ZNF638: variants seen among roughly 807,000 people sequenced by gnomAD.
The protein encoded by ZNF638 is zinc finger protein 638, also known as CTCL tumor antigen se33-1.
ZNF638 carries 46 observed loss-of-function variants against 195.6 expected under a neutral mutation model. That is an observed-to-expected ratio of 0.24 (90% CI 0.19 to 0.30). ZNF638 has a LOEUF of 0.30. ZNF638 is among the 10% of genes least tolerant of loss of function. The probability of loss-of-function intolerance (pLI) is 1.00; values close to 1 mark genes in which losing one functional copy is unlikely to be tolerated. For missense variants in ZNF638, 2,440 were observed against 2,325.3 expected (o/e 1.05, Z -1.01); for synonymous variants, 845 against 772.0 (o/e 1.09, Z -1.57).
chr2:71,362,617 T>C (rs1020515574), intron 3 of ZNF638, among the ~76,000 whole-genome samples: 7 of 152,204 alleles, frequency 4.6e-5, no homozygotes, highest in Non-Finnish European at 8.8e-5. Flanking sequence ...CCTCCAATCT[T>C]AGTTTACATA....
At chr2:71,354,848 A>G (rs1428287389) in intron 2 of ZNF638, among the ~76,000 whole-genome samples, 1 of 152,200 alleles carries the variant, frequency 6.6e-6, no homozygotes, top group East Asian at 1.9e-4. Flanking sequence ...TAAATTTTGA[A>G]AATAGATTTG....
chr2:71,366,941 C>T (rs1193152565), intron 6 of ZNF638, among the ~76,000 whole-genome samples: 2 of 152,058 alleles, frequency 1.3e-5, no homozygotes, highest in Non-Finnish European at 2.9e-5. Flanking sequence ...GGCCCAATAT[C>T]AAATATTTTG....
intron 25 of ZNF638, 94 bp from the exon 26 acceptor site, chr2:71,431,233 C>T: frequency 9.1e-7 from 1 of 1,099,200 alleles, no homozygotes. Context: ...GGGAGGTTTT[C>T]CCTGAGAAAG....
intron 1 of ZNF638, among the ~76,000 whole-genome samples, chr2:71,344,934 C>G (rs1285146610): frequency 6.6e-6 from 1 of 152,010 alleles, no homozygotes; most frequent in Non-Finnish European, 1.5e-5. Context: ...TGTAGCTAAC[C>G]TTTTTAATTA....
Position 71,423,519 on chromosome 2 carries a change from A to C in ZNF638, c.4005A>C (p.Glu1335Asp), listed in dbSNP as rs1401374944. 6.2e-7 allele frequency: 1 copy of C among 1,613,954 alleles called. No individual in the cohort carries two copies. The highest frequency in any genetic ancestry group is 8.5e-7 in the Non-Finnish European group (1 of 1,180,004). Residue 1335 changes from glutamate (E) to aspartate (D), a missense_variant, in exon 22 of 28, where the codon GAA (glutamate) becomes GAC (aspartate). Physicochemically the swap from Glu to Asp is conservative, Grantham distance 45 (BLOSUM62 2). This residue lies in a region of ZNF638 where 1,883 missense variants were observed against 1,739.1 expected (regional missense o/e 1.08). Coordinates refer to ENST00000264447, the MANE Select transcript of ZNF638 (RefSeq NM_014497.5). ...GAACAGAGAAGGCTGAAAAGAATGAAGGTAGGATGGATGCAGAAAAGGTGG... is the reference window on the plus strand; with the variant it reads ...GAACAGAGAAGGCTGAAAAGAATGACGGTAGGATGGATGCAGAAAAGGTGG... ...QIGTEKAEKN[E>D]GRMDAEKVEK...
intron 1 of ZNF638, among the ~76,000 whole-genome samples, chr2:71,345,933 C>G (rs1487652712): frequency 6.6e-6 from 1 of 152,186 alleles, no homozygotes; most frequent in Non-Finnish European, 1.5e-5. Context: ...CTCTAGTATT[C>G]TGGAGAATAC....
chr2:71,410,416 G>A (rs1573140540), intron 20 of ZNF638, among the ~76,000 whole-genome samples: 1 of 150,242 alleles, frequency 6.7e-6, no homozygotes, highest in African/African-American at 2.5e-5. Flanking sequence ...TCATTGTGTT[G>A]CCCAGGCTGG....
intron 8 of ZNF638, among the ~76,000 whole-genome samples, chr2:71,371,258 GT>G (rs1182972529): frequency 6.6e-6 from 1 of 152,136 alleles, no homozygotes; most frequent in African/African-American, 2.4e-5. Flanking sequence ...TGGACACTTA[GT>G]TTGCTTCCAG....
chr2:71,424,363 G>GT lies in ZNF638; in HGVS notation c.4525-284dup, dbSNP rs540267907. Among the ~76,000 whole-genome samples, 17 of 151,616 alleles carry GT rather than the reference G, an allele frequency of 1.1e-4. No individual in the cohort carries two copies. In the South Asian group the frequency reaches 3.3e-3, roughly 30 times the overall value. The stretch of plus-strand genomic sequence containing the variant: ...CCACTCTGCTTCTGAATGGGAAACT[G>GT]TTTCCTCTCTTAAATTGAAGCTTCC... On this transcript the variant is annotated intron_variant, in intron 22 of 27. Coordinates refer to ENST00000264447, the MANE Select transcript of ZNF638 (RefSeq NM_014497.5).
At chr2:71,360,693 G>T (rs1458969875) in intron 3 of ZNF638, among the ~76,000 whole-genome samples, 1 of 151,886 alleles carries the variant, frequency 6.6e-6, no homozygotes. Context: ...TGTTTCCTTA[G>T]CATTAAATTC....
At chr2:71,370,131 C>T (rs1558848586) in intron 8 of ZNF638, 126 bp downstream of exon 8, 1 of 1,027,838 alleles carries the variant, frequency 9.7e-7, no homozygotes, top group East Asian at 2.7e-5. Context: ...ATTATATGTG[C>T]ATTAATTCAA....
At chr2:71,422,673 C>T in intron 21 of ZNF638, 141 bp from the exon 22 acceptor site, 1 of 790,162 alleles carries the variant, frequency 1.3e-6, no homozygotes, top group Non-Finnish European at 2.0e-6. Flanking sequence ...TTGGATTTCC[C>T]AGTGCTTATT....
chr2:71,418,460 T>C, intron 20 of ZNF638, 142 bp from the exon 21 acceptor site: 1 of 498,242 alleles, frequency 2.0e-6, no homozygotes. Context: ...GATAGTAATG[T>C]AGACACTGAA....
At chr2:71,388,541 T>G in intron 10 of ZNF638, 1 of 726,712 alleles carries the variant, frequency 1.4e-6, no homozygotes, top group Admixed American at 2.0e-5. Flanking sequence ...CTCTTCGGCG[T>G]CTCTAAGGCC....
intron 22 of ZNF638, 98 bp downstream of exon 22, chr2:71,424,136 C>T (rs1283073653): frequency 6.9e-7 from 1 of 1,449,120 alleles, no homozygotes. Flanking sequence ...TTCATACTTT[C>T]ATCTCCTCAC....
At position 71,400,191 on chromosome 2, in the gene ZNF638, A is replaced by G. The variant is rs945632049; in HGVS notation, c.2656+11A>G. On this transcript the variant is annotated intron_variant, in intron 14 of 27. Coordinates refer to ENST00000264447, the MANE Select transcript of ZNF638 (RefSeq NM_014497.5). ...AAGAAGCTATTTCTGGTAGGTCAAT[A>G]GAAATTTTATTTTGTTCTTTACTTA... 7.5e-6 allele frequency: 12 copies of G among 1,597,538 alleles called. No individual in the cohort carries two copies. The highest frequency in any genetic ancestry group is 9.4e-6 in the Non-Finnish European group (11 of 1,171,746).
chr2:71,385,695 G>T (rs1480665028), intron 10 of ZNF638, among the ~76,000 whole-genome samples: 1 of 152,182 alleles, frequency 6.6e-6, no homozygotes, highest in Non-Finnish European at 1.5e-5. Context: ...TTTTCTGTCT[G>T]TGATACTGTA....
intron 8 of ZNF638, among the ~76,000 whole-genome samples, chr2:71,373,772 T>G (rs1198302779): frequency 4.6e-5 from 7 of 152,010 alleles, no homozygotes; most frequent in African/African-American, 1.7e-4. Context: ...CTTCTGCATT[T>G]TTTTCTTTAT....
chr2:71,426,312 AAAAC>A (rs1294767843), intron 23 of ZNF638, 144 bp from the exon 24 acceptor site: 23 of 607,096 alleles, frequency 3.8e-5, no homozygotes, highest in Non-Finnish European at 6.4e-5. Context: ...GGCTTTAAAA[AAAAC>A]AACTCTTAAT....
Sources: allele counts gnomAD v4.1 joint callset (sites outside exome capture counted in the v4.1 genomes callset), GRCh38; gene constraint gnomAD v4.1.1; regional missense constraint gnomAD v4.1.1; transcripts MANE v1.5; gene names NCBI Gene and HGNC (gene_info 2026-07-23, HGNC 2026-07-21).